COMMD10: variants seen among roughly 807,000 people sequenced by gnomAD.
The protein encoded by COMMD10 is COMM domain containing 10.
Under a neutral mutation model 28.9 loss-of-function variants are expected in COMMD10, and 33 were observed. That is an observed-to-expected ratio of 1.14 (90% confidence interval 0.87 to 1.53). The LOEUF (loss-of-function observed/expected upper bound fraction) is 1.53. Among genes scored for constraint, COMMD10 ranks in the 40% most tolerant of loss-of-function variants. COMMD10 has a pLI of 0.00. For missense variants in COMMD10, 310 were observed against 233.4 expected (o/e 1.33, Z -2.14); for synonymous variants, 110 against 81.7 (o/e 1.35, Z -1.87).
intron 4 of COMMD10, among the ~76,000 whole-genome samples, chr5:116,118,297 C>G (rs1024218843): frequency 6.6e-6 from 1 of 151,946 alleles, no homozygotes; most frequent in African/African-American, 2.4e-5. Context: ...TACTTATTTA[C>G]TTTTTTGTCT....
chr5:116,236,125 C>G (rs1035376434), intron 5 of COMMD10, among the ~76,000 whole-genome samples: 2 of 151,762 alleles, frequency 1.3e-5, no homozygotes, highest in African/African-American at 4.9e-5. Flanking sequence ...TGTAGATAAC[C>G]TTGGGTATGG....
At chr5:116,245,927 A>T (rs190111166) in intron 5 of COMMD10, among the ~76,000 whole-genome samples, 1 of 152,234 alleles carries the variant, frequency 6.6e-6, no homozygotes, top group African/African-American at 2.4e-5. Context: ...ATTGGCACAA[A>T]ACAAGGATGC....
intron 5 of COMMD10, among the ~76,000 whole-genome samples, chr5:116,149,532 T>C (rs982041658): frequency 1.4e-5 from 2 of 144,560 alleles, no homozygotes; most frequent in East Asian, 4.0e-4. Context: ...TTCCTGACTT[T>C]TTAATGATTG....
chr5:116,291,669 A>G (rs1751365577), intron 6 of COMMD10, 93 bp downstream of exon 6: 1 of 703,850 alleles, frequency 1.4e-6, no homozygotes. Context: ...ATGTCATATT[A>G]TGGAACTAAG....
At chr5:116,174,612 A>G (rs1029963740) in intron 5 of COMMD10, among the ~76,000 whole-genome samples, 4 of 131,370 alleles carry the variant, frequency 3.0e-5, no homozygotes, top group African/African-American at 7.9e-5. Flanking sequence ...GGGAATTCCA[A>G]AATACTTTGA....
chr5:116,136,322 A>G (rs1432104644), intron 5 of COMMD10, among the ~76,000 whole-genome samples: 2 of 152,242 alleles, frequency 1.3e-5, no homozygotes, highest in Admixed American at 6.5e-5. Flanking sequence ...ACTCACTAGC[A>G]TAGACTGGAG....
chr5:116,238,567 T>C (rs547015828), intron 5 of COMMD10, among the ~76,000 whole-genome samples: 2 of 152,336 alleles, frequency 1.3e-5, no homozygotes, highest in South Asian at 4.1e-4. Flanking sequence ...CTCTGTGCCA[T>C]AGAAGGACTA....
At chr5:116,252,268 T>G (rs1750141688) in intron 5 of COMMD10, among the ~76,000 whole-genome samples, 1 of 142,294 alleles carries the variant, frequency 7.0e-6, no homozygotes, top group Non-Finnish European at 1.5e-5. Flanking sequence ...ACTCTGATGG[T>G]AGTTTCTTTT....
intron 5 of COMMD10, among the ~76,000 whole-genome samples, chr5:116,170,452 C>T (rs1753285425): frequency 6.6e-6 from 1 of 152,156 alleles, no homozygotes; most frequent in South Asian, 2.1e-4. Flanking sequence ...ATCAAGCTAC[C>T]ATTGAACTTC....
At chr5:116,173,326 T>G (rs1008626667) in intron 5 of COMMD10, among the ~76,000 whole-genome samples, 2 of 152,126 alleles carry the variant, frequency 1.3e-5, no homozygotes, top group Admixed American at 1.3e-4. Flanking sequence ...TATTCAATTT[T>G]CCAGTTATAT....
At chr5:116,196,065 C>A (rs1426514311) in intron 5 of COMMD10, among the ~76,000 whole-genome samples, 1 of 152,126 alleles carries the variant, frequency 6.6e-6, no homozygotes, top group Non-Finnish European at 1.5e-5. Context: ...ACCATTTGAT[C>A]CAGCAATCCC....
chr5:116,090,689 A>G (rs140634761), intron 2 of COMMD10, among the ~76,000 whole-genome samples: 9 of 152,308 alleles, frequency 5.9e-5, no homozygotes, highest in African/African-American at 2.2e-4. Flanking sequence ...ATGACTGCTG[A>G]TCATGAAATG....
intron 5 of COMMD10, among the ~76,000 whole-genome samples, chr5:116,220,375 A>G (rs1366645430): frequency 2.6e-5 from 4 of 152,070 alleles, no homozygotes; most frequent in African/African-American, 2.4e-5. Flanking sequence ...ATGTCACAGT[A>G]GATGACTGAG....
chr5:116,145,663 C>G (rs796697957), intron 5 of COMMD10, among the ~76,000 whole-genome samples: 42 of 151,904 alleles, frequency 2.8e-4, no homozygotes, highest in African/African-American at 9.6e-4. Context: ...CTCACAATCC[C>G]CACAATCCCC....
chr5:116,241,720 C>G lies in COMMD10; in HGVS notation c.511-49797C>G, dbSNP rs181011956. Among the ~76,000 whole-genome samples the G allele has an allele frequency of 2.9e-3, 438 of 152,156 alleles. 3 individuals carry two copies. The highest frequency in any genetic ancestry group is 0.01 in the African/African-American group (417 of 41,518). ...CTCCGCCTCCCGGGTTCTCGCCATT[C>G]TTCTGCCTTAGCCTTCTGAGTAGCT... On this transcript the variant is annotated intron_variant, in intron 5 of 6. Coordinates refer to ENST00000274458, the MANE Select transcript of COMMD10 (RefSeq NM_016144.4).
At chr5:116,225,807 T>A (rs1343705053) in intron 5 of COMMD10, among the ~76,000 whole-genome samples, 1 of 150,576 alleles carries the variant, frequency 6.6e-6, no homozygotes, top group Non-Finnish European at 1.5e-5. Flanking sequence ...TCTAAAATCT[T>A]GTTTTTTTTT....
At chr5:116,206,983 A>AT (rs57577614) in intron 5 of COMMD10, among the ~76,000 whole-genome samples, 45,685 of 151,976 alleles carry the variant, frequency 0.3, 9,864 homozygotes, top group African/African-American at 0.62. Context: ...ATACATTCTA[A>AT]TTTTTTTCTT....
At chr5:116,291,185 A>G (rs900122245) in intron 5 of COMMD10, among the ~76,000 whole-genome samples, 1 of 152,184 alleles carries the variant, frequency 6.6e-6, no homozygotes, top group Non-Finnish European at 1.5e-5. Context: ...GATTTCAAAC[A>G]GACTGCTGAG....
intron 5 of COMMD10, among the ~76,000 whole-genome samples, chr5:116,140,239 G>A (rs1371832962): frequency 6.6e-6 from 1 of 151,358 alleles, no homozygotes; most frequent in South Asian, 2.1e-4. Context: ...CTATGTGTGT[G>A]TGTGTGTGTG....
Sources: gnomAD v4.1 joint callset for allele counts (sites outside exome capture counted in the v4.1 genomes callset) on GRCh38, gnomAD v4.1.1 for gene constraint, MANE v1.5 for transcripts, NCBI Gene and HGNC (gene_info 2026-07-23, HGNC 2026-07-21) for gene names.